Variants in CLVS1 observed in about 807,000 individuals in gnomAD.
CLVS1 encodes clavesin-1.
In CLVS1, 10 loss-of-function variants were observed where a neutral mutation model predicts 33.1. The ratio of observed to expected loss-of-function variants is 0.30; its 90% confidence interval spans 0.19 to 0.51. The LOEUF is 0.51. Ranked by LOEUF, CLVS1 falls within the 20% of genes least tolerant of loss-of-function variation. The pLI, the probability that CLVS1 is intolerant of heterozygous loss-of-function variation, is 0.97. For synonymous variants in CLVS1, 163 were observed against 166.1 expected (o/e 0.98, Z 0.14); for missense variants, 343 against 433.4 (o/e 0.79, Z 1.85).
chr8:61,482,778 T>A (rs1365779623), intron 5 of CLVS1, among the ~76,000 whole-genome samples: 4 of 152,158 alleles, frequency 2.6e-5, no homozygotes, highest in African/African-American at 9.7e-5. Flanking sequence ...GAACTCAGGA[T>A]TAAGAAACTC....
chr8:61,046,627 A>T, the CLVS1 span, among the ~76,000 whole-genome samples: 1 of 151,464 alleles, frequency 6.6e-6, no homozygotes, highest in Admixed American at 6.6e-5. Flanking sequence ...ATGAGCATGG[A>T]ATGTTCTTCC....
At chr8:61,473,235 C>T (rs558465907) in intron 5 of CLVS1, among the ~76,000 whole-genome samples, 58 of 149,572 alleles carry the variant, frequency 3.9e-4, no homozygotes, top group Non-Finnish European at 7.5e-4. Context: ...GTGTCAGGAA[C>T]TACTGTGTTT....
chr8:61,302,746 T>C (rs1166884097), intron 2 of CLVS1, among the ~76,000 whole-genome samples: 1 of 152,188 alleles, frequency 6.6e-6, no homozygotes, highest in African/African-American at 2.4e-5. Flanking sequence ...GACTGGGTAA[T>C]TTATGAAGGA....
chr8:61,061,571 C>T (rs879849823), intron 1 of CLVS1, among the ~76,000 whole-genome samples: 1 of 152,050 alleles, frequency 6.6e-6, no homozygotes, highest in Non-Finnish European at 1.5e-5. Flanking sequence ...TTTCCTGGCC[C>T]ACACAGAAAT....
At chr8:61,473,341 TAAA>T (rs58281654) in intron 5 of CLVS1, among the ~76,000 whole-genome samples, 1,013 of 96,194 alleles carry the variant, frequency 0.011, 8 homozygotes, top group African/African-American at 0.033. Flanking sequence ...TCACGGAATT[TAAA>T]AAAAAAAAAA....
chr8:61,277,102 C>A (rs1171321377), intron 2 of CLVS1, among the ~76,000 whole-genome samples: 1 of 152,222 alleles, frequency 6.6e-6, no homozygotes, highest in African/African-American at 2.4e-5. Flanking sequence ...GACTCCAGAG[C>A]CACATTCTCT....
chr8:60,997,913 T>A, the CLVS1 span, among the ~76,000 whole-genome samples: 1 of 152,210 alleles, frequency 6.6e-6, no homozygotes, highest in Non-Finnish European at 1.5e-5. Context: ...CTCTTGGGAC[T>A]CTTTCTAGTC....
rs1171172506 is a variant in CLVS1 at position 61,366,878 on chromosome 8, C to T, written c.456-9727C>T. Among the ~76,000 whole-genome samples, 3 of 152,146 alleles carry T rather than the reference C, an allele frequency of 2.0e-5. No homozygotes were observed. In the South Asian group the frequency reaches 6.2e-4, roughly 32 times the overall value. On this transcript the variant is annotated intron_variant, in intron 2 of 5. Coordinates refer to ENST00000325897, the MANE Select transcript of CLVS1 (RefSeq NM_173519.3). The stretch of plus-strand genomic sequence containing the variant: ...TACCAGCCCATATACTTCTGAGTAA[C>T]CCTTGACAGCCCTGATATCAAGTAA...
chr8:61,185,476 T>C lies in CLVS1; in HGVS notation c.-152+53616T>C, dbSNP rs372877328. 8.5e-5 allele frequency among the ~76,000 whole-genome samples: 13 copies of C among 152,288 alleles called. No homozygotes were observed. The East Asian group carries it at 1.2e-3, about 14-fold the overall frequency. Reference sequence around the variant, plus strand: ...GTTAAGAATTCAGTTTTAATGGCTATACTGTATCACGTCTTACAAATGCAG... The same window carrying C: ...GTTAAGAATTCAGTTTTAATGGCTACACTGTATCACGTCTTACAAATGCAG... On this transcript the variant is annotated intron_variant, in intron 2 of 2. Transcript: ENST00000522621.
chr8:61,144,367 C>A (rs1314420562), intron 2 of CLVS1, among the ~76,000 whole-genome samples: 1 of 152,168 alleles, frequency 6.6e-6, no homozygotes, highest in African/African-American at 2.4e-5. Flanking sequence ...CATGTCCCTG[C>A]AAAGGACATT....
At chr8:61,344,838 T>C (rs538329969) in intron 2 of CLVS1, among the ~76,000 whole-genome samples, 2 of 151,974 alleles carry the variant, frequency 1.3e-5, no homozygotes, top group South Asian at 4.2e-4. Context: ...AGTAGTAATA[T>C]TAAAACCATT....
chr8:61,355,918 G>T (rs1279036946), intron 2 of CLVS1, among the ~76,000 whole-genome samples: 3 of 152,120 alleles, frequency 2.0e-5, no homozygotes, highest in African/African-American at 4.8e-5. Context: ...TAGACCTTTG[G>T]GTGTATACCC....
intron 2 of CLVS1, among the ~76,000 whole-genome samples, chr8:61,353,999 C>A (rs571214756): frequency 6.6e-6 from 1 of 151,886 alleles, no homozygotes; most frequent in Non-Finnish European, 1.5e-5. Flanking sequence ...AAATATGAAA[C>A]AATTCCTTAA....
At chr8:61,190,353 C>T (rs933475532) in intron 2 of CLVS1, among the ~76,000 whole-genome samples, 1 of 152,116 alleles carries the variant, frequency 6.6e-6, no homozygotes, top group African/African-American at 2.4e-5. Context: ...ATACCATAAT[C>T]TCTGGGACAC....
chr8:61,285,232 A>G (rs538998283), upstream of CLVS1, among the ~76,000 whole-genome samples: 1 of 152,336 alleles, frequency 6.6e-6, no homozygotes, highest in South Asian at 2.1e-4. Context: ...CTGTTTGTAA[A>G]TACTTATTTG....
At chr8:61,011,793 C>T in the CLVS1 span, among the ~76,000 whole-genome samples, 91 of 152,226 alleles carry the variant, frequency 6.0e-4, no homozygotes, top group Non-Finnish European at 1.1e-3. Flanking sequence ...TGACCAATTT[C>T]GGTGCCATGT....
At chr8:61,478,530 G>C (rs965476371) in intron 5 of CLVS1, among the ~76,000 whole-genome samples, 2 of 152,190 alleles carry the variant, frequency 1.3e-5, no homozygotes, top group Admixed American at 1.3e-4. Context: ...ATTTAGGATA[G>C]TTAGTTCTTC....
At chr8:61,284,383 T>A (rs758262247), upstream of CLVS1, among the ~76,000 whole-genome samples, 3 of 152,188 alleles carry the variant, frequency 2.0e-5, no homozygotes, top group Non-Finnish European at 4.4e-5. Flanking sequence ...AATGTTCTCA[T>A]CACAAAGGAA....
chr8:61,338,951 A>G (rs1811908529), intron 2 of CLVS1, among the ~76,000 whole-genome samples: 1 of 149,942 alleles, frequency 6.7e-6, no homozygotes, highest in Non-Finnish European at 1.5e-5. Flanking sequence ...AGGCTTGGCC[A>G]CCAAAGGGAA....
Sources: gnomAD v4.1 joint callset for allele counts (sites outside exome capture counted in the v4.1 genomes callset) on GRCh38, gnomAD v4.1.1 for gene constraint, MANE v1.5 for transcripts, NCBI Gene and HGNC (gene_info 2026-07-23, HGNC 2026-07-21) for gene names.